GABRR2: variants seen among roughly 807,000 people sequenced by gnomAD.
The protein encoded by GABRR2 is gamma-aminobutyric acid type A receptor subunit rho2, also known as gamma-aminobutyric acid receptor subunit rho-2.
In GABRR2, 36 loss-of-function variants were observed where a neutral mutation model predicts 47.0. The observed-to-expected ratio is 0.77, with a 90% confidence interval of 0.59 to 1.01. The LOEUF is 1.01. GABRR2 is among the 50% of genes least tolerant of loss of function. The pLI, the probability that GABRR2 is intolerant of heterozygous loss-of-function variation, is 0.00. For missense variants in GABRR2, 587 were observed against 594.6 expected (o/e 0.99, Z 0.13); for synonymous variants, 204 against 227.5 (o/e 0.90, Z 0.93).
chr6:89,258,038 G>C, intron 8 of GABRR2, 57 bp from the exon 9 acceptor site: 1 of 1,512,656 alleles, frequency 6.6e-7, no homozygotes, highest in Non-Finnish European at 8.9e-7. Flanking sequence ...GCAGAGGAGG[G>C]GGCCTGGCCC....
At chr6:89,299,415 C>T (rs1275528969) in intron 2 of GABRR2, among the ~76,000 whole-genome samples, 4 of 152,140 alleles carry the variant, frequency 2.6e-5, no homozygotes, top group African/African-American at 7.2e-5. Context: ...CCTTCATGGG[C>T]CTCTTCCTCT....
In GABRR2 at chr6:89,264,428, C is replaced by G. The variant is rs372094973; in HGVS notation, c.1070G>C (p.Arg357Pro). Residue 357 changes from arginine to proline, a missense_variant, in exon 8 of 9, where the codon CGG becomes CCG. Coordinates refer to ENST00000402938, the MANE Select transcript of GABRR2 (RefSeq NM_002043.5). ...YLTTVQERKE[R>P]KLREKFPCMC... ...CCCTCTCACCTTCTCCCGCAGCTTCCGTTCCTTGCGCTCCTGCACGGTGGT... is the reference window on the plus strand; with the variant it reads ...CCCTCTCACCTTCTCCCGCAGCTTCGGTTCCTTGCGCTCCTGCACGGTGGT... 1.2e-6 allele frequency: 2 copies of G among 1,613,658 alleles called. No individual in the cohort carries two copies. The highest frequency in any genetic ancestry group is 1.3e-5 in the African/African-American group (1 of 74,890).
At chr6:89,299,912 T>C (rs750104547) in intron 1 of GABRR2, 47 bp from the exon 2 acceptor site, 8 of 1,215,196 alleles carry the variant, frequency 6.6e-6, no homozygotes, top group Admixed American at 1.7e-5. Context: ...CTTCAATGCA[T>C]TGAGTGAGAT....
intron 8 of GABRR2, among the ~76,000 whole-genome samples, chr6:89,259,996 C>T (rs1163769621): frequency 2.0e-5 from 3 of 151,488 alleles, no homozygotes; most frequent in Non-Finnish European, 4.4e-5. Context: ...CAGCCTCCAC[C>T]TCCTGGGCTC....
At chr6:89,270,076 G>T (rs1774013144) in intron 3 of GABRR2, among the ~76,000 whole-genome samples, 1 of 152,226 alleles carries the variant, frequency 6.6e-6, no homozygotes, top group South Asian at 2.1e-4. Flanking sequence ...GATAGTGCAT[G>T]CATGAGAGTC....
chr6:89,315,087 G>A lies in GABRR2; in HGVS notation c.79C>T (p.Arg27Ter), dbSNP rs373983940. The A allele has an allele frequency of 1.9e-5, 31 of 1,613,538 alleles. No individual in the cohort carries two copies. Among genetic ancestry groups the A allele is most frequent in the East Asian group, 8.9e-5 (4 of 44,858 alleles). Residue 27 changes from arginine to a stop codon, truncating the protein, a stop_gained, in exon 1 of 9, where the codon CGA becomes TGA. Transcript: ENST00000402938. LOFTEE classifies it high-confidence loss of function. ...LVESRKPKRK[R>*]WTGQVEMPKP... ...GGCATTTCCACCTGCCCTGTCCATC[G>A]CTTCCTCTTGGGTTTTCTGCTCTCC...
At chr6:89,301,087 A>G (rs1382082620) in intron 1 of GABRR2, among the ~76,000 whole-genome samples, 1 of 152,270 alleles carries the variant, frequency 6.6e-6, no homozygotes, top group Non-Finnish European at 1.5e-5. Context: ...TTGGTTTAAC[A>G]TACGCAAATC....
intron 2 of GABRR2, 69 bp downstream of exon 2, chr6:89,299,690 C>A: frequency 2.0e-6 from 2 of 1,013,860 alleles, no homozygotes; most frequent in East Asian, 2.4e-5. Context: ...CCAGAGGGAG[C>A]CAGAGAGGGC....
At chr6:89,283,314 A>T (rs917542683) in intron 2 of GABRR2, among the ~76,000 whole-genome samples, 4 of 152,102 alleles carry the variant, frequency 2.6e-5, no homozygotes, top group African/African-American at 9.7e-5. Context: ...AAAATTAGAG[A>T]TGTACAAAAT....
intron 2 of GABRR2, among the ~76,000 whole-genome samples, chr6:89,282,942 C>A (rs181661114): frequency 6.6e-6 from 1 of 152,214 alleles, no homozygotes. Context: ...ACTACGGTGC[C>A]GACTCCATCC....
intron 8 of GABRR2, among the ~76,000 whole-genome samples, chr6:89,259,883 C>CTTTTTT (rs59831214): frequency 3.0e-5 from 2 of 67,612 alleles, no homozygotes; most frequent in African/African-American, 1.2e-4. Flanking sequence ...CTCTCTCTCT[C>CTTTTTT]TTTTTTTTTT....
At position 89,257,556 on chromosome 6, in the gene GABRR2, C is replaced by G. The variant is rs943880073; in HGVS notation, c.*114G>C. On this transcript the variant is annotated 3_prime_UTR_variant, in exon 9 of 9. Coordinates refer to ENST00000402938, the MANE Select transcript of GABRR2 (RefSeq NM_002043.5). ...AGAGATGAGTGCTGCTCAGGGTGGT[C>G]CAGTAGCTGCTGCATTGTTTGGTGA... The G allele has an allele frequency of 2.4e-6, 2 of 841,790 alleles. No individual in the cohort carries two copies. The highest frequency in any genetic ancestry group is 5.3e-5 in the East Asian group (2 of 37,722). 52.1% of individuals were successfully genotyped at this position (841,790 alleles called of 1,614,324 possible).
At chr6:89,292,275 T>C (rs1022459146) in intron 2 of GABRR2, among the ~76,000 whole-genome samples, 7 of 149,452 alleles carry the variant, frequency 4.7e-5, no homozygotes, top group African/African-American at 1.7e-4. Context: ...AAAACCAGCA[T>C]TGTGCTGGTG....
intron 2 of GABRR2, among the ~76,000 whole-genome samples, chr6:89,276,181 A>G (rs1774156953): frequency 6.7e-6 from 1 of 148,866 alleles, no homozygotes. Flanking sequence ...GTTCATAAGC[A>G]AAAATAAGCA....
chr6:89,282,576 G>A (rs554163308), intron 2 of GABRR2, among the ~76,000 whole-genome samples: 2 of 152,340 alleles, frequency 1.3e-5, no homozygotes, highest in East Asian at 3.8e-4. Flanking sequence ...ATGAAGATGC[G>A]ACTGTTTGTG....
At chr6:89,296,881 G>A (rs1774564293) in intron 2 of GABRR2, among the ~76,000 whole-genome samples, 2 of 152,330 alleles carry the variant, frequency 1.3e-5, no homozygotes, top group South Asian at 2.1e-4. Flanking sequence ...TGCAGCTGAT[G>A]TCACAAAAGA....
At chr6:89,301,337 C>T (rs1183894002) in intron 1 of GABRR2, among the ~76,000 whole-genome samples, 1 of 152,134 alleles carries the variant, frequency 6.6e-6, no homozygotes, top group African/African-American at 2.4e-5. Flanking sequence ...CCCTCTCTCA[C>T]CACTCCTATT....
chr6:89,264,551 G>A lies in GABRR2; in HGVS notation c.947C>T (p.Pro316Leu), dbSNP rs756791995. 12 of 1,614,028 alleles carry A rather than the reference G, an allele frequency of 7.4e-6. No homozygotes were observed. The highest frequency in any genetic ancestry group is 5.0e-5 in the Admixed American group (3 of 59,998). Residue 316 changes from proline (P) to leucine (L), a missense_variant, in exon 8 of 9, where the codon CCG becomes CTG. Transcript: ENST00000402938. ...TIITGVNASM[P>L]RVSYVKAVDI... ...CACGGCCTTGACGTAGGAGACGCGC[G>A]GCATGGAGGCATTCACGCCCGTGAT...
At chr6:89,278,043 C>T (rs1282976013) in intron 2 of GABRR2, among the ~76,000 whole-genome samples, 1 of 152,170 alleles carries the variant, frequency 6.6e-6, no homozygotes, top group Non-Finnish European at 1.5e-5. Flanking sequence ...TAGCTAAAAG[C>T]TGGAAATCTC....
Sources: allele counts gnomAD v4.1 joint callset (sites outside exome capture counted in the v4.1 genomes callset), GRCh38; gene constraint gnomAD v4.1.1; transcripts MANE v1.5; gene names NCBI Gene and HGNC (gene_info 2026-07-23, HGNC 2026-07-21).